The following CYREN variants were observed in gnomAD, a reference collection of about 807,000 sequenced individuals.
CYREN encodes the protein cell cycle regulator of non-homologous end joining.
CYREN carries 7 observed loss-of-function variants against 9.7 expected under a neutral mutation model. The observed-to-expected ratio is 0.72, with a 90% CI of 0.41 to 1.36. CYREN has a LOEUF of 1.36. CYREN is among the 40% of genes most tolerant of loss of function. The pLI, the probability that CYREN is intolerant of heterozygous loss-of-function variation, is 0.01. For missense variants in CYREN, 215 were observed against 198.1 expected (o/e 1.09, Z -0.51); for synonymous variants, 76 against 77.9 (o/e 0.98, Z 0.13).
At chr7:135,164,850 T>C, downstream of CYREN, 1 of 1,613,974 alleles carries the variant, frequency 6.2e-7, no homozygotes, top group Non-Finnish European at 8.5e-7. Context: ...CTTCCTCTCC[T>C]ATGTGTGGAA....
intron 2 of CYREN, among the ~76,000 whole-genome samples, chr7:135,138,784 C>T (rs1829400818): frequency 6.6e-6 from 1 of 151,960 alleles, no homozygotes; most frequent in Non-Finnish European, 1.5e-5. Flanking sequence ...CTATTGTTCC[C>T]TTCATTGTGT....
chr7:135,168,447 T>C (rs753491074), intron 2 of CYREN: 42 of 354,082 alleles, frequency 1.2e-4, no homozygotes, highest in Middle Eastern at 7.6e-4. Context: ...CTTCCACTGA[T>C]CTTGCCCATC....
chr7:135,125,033 CAAGA>C lies in CYREN; in HGVS notation n.357-30455_357-30452del, dbSNP rs578012445. On this transcript the variant is annotated intron_variant and non_coding_transcript_variant, in intron 2 of 2. Transcript: ENST00000459937. ...AACTAATCCAAAAGCTAGCAGAAGA[CAAGA>C]AATAACTAAGATTAGAGCAGAATTG... Among the ~76,000 whole-genome samples, 1,079 of 151,868 alleles carry C rather than the reference CAAGA, an allele frequency of 7.1e-3. 6 individuals are homozygous for C. Among genetic ancestry groups the C allele is most frequent in the Non-Finnish European group, 0.011 (751 of 67,952 alleles).
In CYREN at chr7:135,151,606, T is replaced by C. The variant is rs1829668371; in HGVS notation, n.356+17143A>G. Among the ~76,000 whole-genome samples, 1 of 152,218 alleles carries C rather than the reference T, an allele frequency of 6.6e-6. No homozygotes were observed. Among genetic ancestry groups the C allele is most frequent in the African/African-American group, 2.4e-5 (1 of 41,458 alleles). On this transcript the variant is annotated intron_variant and non_coding_transcript_variant, in intron 2 of 2. Transcript: ENST00000459937. The surrounding 1 kb of genome is among the most constrained non-coding windows in gnomAD (Gnocchi z 4.3). ...AATTCCCGTTTCTCCCACTGAGCTA[T>C]TGCTTCAGCATCATGACCAGAGCAG...
downstream of CYREN, among the ~76,000 whole-genome samples, chr7:135,161,599 C>T (rs1829940303): frequency 6.6e-6 from 1 of 152,224 alleles, no homozygotes; most frequent in Non-Finnish European, 1.5e-5. The surrounding 1 kb of genome is among the most constrained non-coding windows in gnomAD (Gnocchi z 4.1). Context: ...AATATGTTCC[C>T]GTCGGCAATT....
At position 135,169,152 on chromosome 7, in the gene CYREN, G is replaced by A. The variant is rs938526637; in HGVS notation, c.-138-92C>T. On this transcript the variant is annotated intron_variant, in intron 1 of 3. Transcript: ENST00000393114. ...TGCAGGGCAGGCCAGAAGTGACCAA[G>A]GCCCAAGAGACTCAGACGGCCATTC... 3.2e-5 allele frequency: 13 copies of A among 408,820 alleles called. 1 individual carries two copies. The highest frequency in any genetic ancestry group is 1.9e-4 in the South Asian group (5 of 26,660). The allele number at this position is 408,820 out of a possible 1,614,324, so 25.3% of individuals were successfully genotyped here.
chr7:135,135,521 C>A (rs538973057), intron 2 of CYREN: 3 of 270,022 alleles, frequency 1.1e-5, no homozygotes, highest in Non-Finnish European at 1.4e-5. Flanking sequence ...GGAAAAAAAT[C>A]TCTGAAGTTT....
intron 2 of CYREN, among the ~76,000 whole-genome samples, chr7:135,100,574 G>A (rs1823683420): frequency 6.6e-6 from 1 of 152,130 alleles, no homozygotes; most frequent in African/African-American, 2.4e-5. Flanking sequence ...CTCAGTTTCT[G>A]TTAAATAAAA....
At chr7:135,145,550 C>G (rs1402126889) in intron 2 of CYREN, among the ~76,000 whole-genome samples, 1 of 152,118 alleles carries the variant, frequency 6.6e-6, no homozygotes, top group Non-Finnish European at 1.5e-5. Flanking sequence ...ATATAGAATA[C>G]TTGATGCATA....
chr7:135,165,029 C>T, downstream of CYREN: 1 of 1,535,646 alleles, frequency 6.5e-7, no homozygotes. Context: ...GGTTCAGTTC[C>T]AACCATGGTC....
At chr7:135,098,584 G>C (rs1823278662) in intron 2 of CYREN, among the ~76,000 whole-genome samples, 1 of 152,134 alleles carries the variant, frequency 6.6e-6, no homozygotes, top group African/African-American at 2.4e-5. Context: ...TATCTAACTT[G>C]ATGTCATTGC....
intron 2 of CYREN, chr7:135,115,557 C>G: frequency 6.4e-7 from 1 of 1,551,402 alleles, no homozygotes; most frequent in Non-Finnish European, 8.7e-7. Flanking sequence ...AACATGCAAA[C>G]CACTCAGATA....
intron 2 of CYREN, among the ~76,000 whole-genome samples, chr7:135,148,661 G>C (rs371179739): frequency 6.6e-6 from 1 of 152,178 alleles, no homozygotes; most frequent in Admixed American, 6.5e-5. Context: ...GCAGGTCACC[G>C]ACCAACACTA....
intron 2 of CYREN, chr7:135,148,411 C>T (rs1829593508): frequency 3.2e-6 from 1 of 308,580 alleles, no homozygotes; most frequent in South Asian, 2.8e-5. Flanking sequence ...TGTGACCCTC[C>T]CTCGCTCATG....
chr7:135,096,240 A>G (rs987441082), intron 2 of CYREN, among the ~76,000 whole-genome samples: 4 of 152,116 alleles, frequency 2.6e-5, no homozygotes, highest in African/African-American at 9.7e-5. Context: ...AGTGTTGTGT[A>G]TATTGGGATC....
At chr7:135,134,822 TATTTC>T (rs1056313149) in intron 2 of CYREN, 6 of 1,544,326 alleles carry the variant, frequency 3.9e-6, no homozygotes, top group South Asian at 2.4e-5. Context: ...AAAATTCACG[TATTTC>T]ATTTCTTTTC....
intron 2 of CYREN, among the ~76,000 whole-genome samples, chr7:135,155,297 T>C (rs984883352): frequency 6.6e-6 from 1 of 152,210 alleles, no homozygotes; most frequent in South Asian, 2.1e-4. Flanking sequence ...ATCTGTATCT[T>C]TTAAGTGGAG....
chr7:135,148,373 TA>T (rs1194890466), intron 2 of CYREN: 2 of 327,148 alleles, frequency 6.1e-6, no homozygotes, highest in Non-Finnish European at 1.2e-5. Flanking sequence ...GCAATCCACA[TA>T]GGGGAACTCA....
intron 3 of CYREN, 160 bp from the exon 4 acceptor site, chr7:135,167,031 C>CA (rs1344848395): frequency 2.0e-6 from 2 of 985,378 alleles, no homozygotes; most frequent in East Asian, 1.1e-4. Flanking sequence ...CTCTTCACCC[C>CA]ACTCCTTCCC....
Sources: gnomAD v4.1 joint callset for allele counts (sites outside exome capture counted in the v4.1 genomes callset) on GRCh38, gnomAD v4.1.1 for gene constraint, Gnocchi (gnomAD v3.1) non-coding constraint, MANE v1.5 for transcripts, NCBI Gene and HGNC (gene_info 2026-07-23, HGNC 2026-07-21) for gene names.